Variants in FBLN2 observed in about 807,000 individuals in gnomAD.
The protein encoded by FBLN2 is fibulin-2.
In FBLN2, 81 loss-of-function variants were observed where a neutral mutation model predicts 123.7. The ratio of observed to expected loss-of-function variants is 0.65; its 90% CI spans 0.55 to 0.79. The LOEUF (loss-of-function observed/expected upper bound fraction) is 0.79. FBLN2 is among the 30% of genes least tolerant of loss of function. The pLI, the probability that FBLN2 is intolerant of heterozygous loss-of-function variation, is 0.00. For synonymous variants in FBLN2, 699 were observed against 701.4 expected, an observed-to-expected ratio of 1.00 and a Z score of 0.05; for missense variants, 1,603 against 1,681.3, an observed-to-expected ratio of 0.95 and a Z score of 0.81.
At chr3:13,578,175 T>G (rs1316887367) in intron 2 of FBLN2, among the ~76,000 whole-genome samples, 5 of 152,252 alleles carry the variant, frequency 3.3e-5, no homozygotes, top group Non-Finnish European at 5.9e-5. Context: ...TCTGTTAGTT[T>G]ATGCAAATAA....
rs1241354775 is a variant in FBLN2, at chr3:13,638,193, A to C, written c.*274A>C. The C allele has an allele frequency of 1.6e-6, 1 of 628,372 alleles. No individual in the cohort carries two copies. Among genetic ancestry groups the C allele is most frequent in the Admixed American group, 2.6e-5 (1 of 38,116 alleles). The allele number at this position is 628,372 out of a possible 1,614,324, so 38.9% of individuals were successfully genotyped here. On this transcript the variant is annotated 3_prime_UTR_variant, in exon 18 of 18. Transcript: ENST00000404922. Reference sequence around the variant, plus strand: ...GGTGAGGCTGGGTGATGACCTGAGGACCAGAGACACGCGACCATGTTGGGG... The same window carrying C: ...GGTGAGGCTGGGTGATGACCTGAGGCCCAGAGACACGCGACCATGTTGGGG...
chr3:13,550,663 T>G (rs933610838), intron 1 of FBLN2, among the ~76,000 whole-genome samples: 3 of 152,078 alleles, frequency 2.0e-5, no homozygotes, highest in African/African-American at 7.2e-5. Context: ...GGGCCTTAAC[T>G]TCCCCATATG....
At chr3:13,550,396 C>G (rs949491309) in intron 1 of FBLN2, among the ~76,000 whole-genome samples, 1 of 152,230 alleles carries the variant, frequency 6.6e-6, no homozygotes, top group African/African-American at 2.4e-5. Context: ...AAGGAGTTGC[C>G]CATATCAGCT....
Position 13,560,406 on chromosome 3 carries a change from C to T in FBLN2, c.-41-9909C>T, listed in dbSNP as rs73146697. Among the ~76,000 whole-genome samples, 730 of 152,284 alleles carry T rather than the reference C, an allele frequency of 4.8e-3. 6 individuals carry two copies. Among genetic ancestry groups the T allele is most frequent in the African/African-American group, 0.016 (655 of 41,558 alleles). ...CACCTGGTACCCTAAGCCCCACCTG[C>T]GGCCTACAGCTTGGTCTGTACTTCA... On this transcript the variant is annotated intron_variant, in intron 1 of 17. Transcript: ENST00000404922.
chr3:13,566,818 A>G (rs1026434079), intron 1 of FBLN2, among the ~76,000 whole-genome samples: 1 of 152,190 alleles, frequency 6.6e-6, no homozygotes, highest in Non-Finnish European at 1.5e-5. Context: ...GCATGCTGGT[A>G]ACCAATTTAA....
chr3:13,626,298 C>G, intron 9 of FBLN2, 147 bp from the exon 10 acceptor site: 1 of 747,330 alleles, frequency 1.3e-6, no homozygotes, highest in South Asian at 2.7e-5. Context: ...GTTTGGGTGC[C>G]GAGACATCAG....
intron 13 of FBLN2, 121 bp from the exon 14 acceptor site, chr3:13,629,699 T>C (rs1007145858): frequency 3.0e-6 from 4 of 1,352,828 alleles, no homozygotes; most frequent in African/African-American, 3.0e-5. Flanking sequence ...GGCCTCTCCC[T>C]GTCTTTCCTT....
chr3:13,607,516 T>A (rs1350232224), intron 2 of FBLN2, among the ~76,000 whole-genome samples: 1 of 152,142 alleles, frequency 6.6e-6, no homozygotes, highest in South Asian at 2.1e-4. Flanking sequence ...AGGGGTCAAG[T>A]GTGTATTCAA....
At chr3:13,562,465 T>C (rs1703639078) in intron 1 of FBLN2, among the ~76,000 whole-genome samples, 1 of 151,698 alleles carries the variant, frequency 6.6e-6, no homozygotes. Flanking sequence ...CAAGCAATTC[T>C]CGTGCCTCAG....
chr3:13,571,946 C>T (rs1056733198), intron 2 of FBLN2, among the ~76,000 whole-genome samples: 3 of 152,164 alleles, frequency 2.0e-5, no homozygotes, highest in Non-Finnish European at 4.4e-5. Context: ...CCAGAAGGTG[C>T]ACATCTTCAG....
rs1183714968 is a variant in FBLN2, at chr3:13,622,728, A to G, written c.2296+813A>G. Among the ~76,000 whole-genome samples the G allele has an allele frequency of 4.6e-5, 7 of 152,316 alleles. 1 individual carries two copies. Among genetic ancestry groups the G allele is most frequent in the African/African-American group, 1.7e-4 (7 of 41,570 alleles). ...GGCTCTGGGAGTGCTCTGTGCGTAC[A>G]TGTCTGCAGCCTCTGATGTTTTCAG... On this transcript the variant is annotated intron_variant, in intron 9 of 17. Transcript: ENST00000404922.
chr3:13,565,719 C>T (rs1703728106), intron 1 of FBLN2, among the ~76,000 whole-genome samples: 1 of 152,226 alleles, frequency 6.6e-6, no homozygotes, highest in Non-Finnish European at 1.5e-5. Context: ...CCAGCCTGGA[C>T]AGTGACTGGC....
In FBLN2 at chr3:13,619,848, G is replaced by A. The variant is rs369198219; in HGVS notation, c.2155+17G>A. 6.9e-6 allele frequency: 11 copies of A among 1,602,416 alleles called. No homozygotes were observed. The highest frequency in any genetic ancestry group is 8.5e-6 in the Non-Finnish European group (10 of 1,174,214). On this transcript the variant is annotated intron_variant, in intron 8 of 17. Transcript: ENST00000404922. Reference sequence around the variant, plus strand: ...CCTGTGAAGGTGAGTGCCTTGGGGTGCCCTCCTACCTGTGCAAACCTGAGT... The same window carrying A: ...CCTGTGAAGGTGAGTGCCTTGGGGTACCCTCCTACCTGTGCAAACCTGAGT...
intron 2 of FBLN2, among the ~76,000 whole-genome samples, chr3:13,586,315 G>A (rs1704496814): frequency 1.3e-5 from 2 of 151,830 alleles, no homozygotes; most frequent in South Asian, 4.2e-4. Context: ...CTCCTGAGTA[G>A]CTGGGATTAC....
chr3:13,551,997 A>G (rs1031893239), intron 1 of FBLN2, among the ~76,000 whole-genome samples: 1 of 152,076 alleles, frequency 6.6e-6, no homozygotes, highest in African/African-American at 2.4e-5. Flanking sequence ...GACGCACACC[A>G]GCCAGCTAAT....
chr3:13,635,261 A>C (rs1346151995), intron 16 of FBLN2, among the ~76,000 whole-genome samples: 2 of 151,836 alleles, frequency 1.3e-5, no homozygotes, highest in African/African-American at 4.8e-5. Flanking sequence ...CCCCTACCCC[A>C]CGGGACTTTC....
intron 2 of FBLN2, among the ~76,000 whole-genome samples, chr3:13,581,216 G>C (rs1206319682): frequency 6.6e-6 from 1 of 151,158 alleles, no homozygotes; most frequent in Non-Finnish European, 1.5e-5. Flanking sequence ...GGCGGCAGGT[G>C]GGGGGTGGGG....
At chr3:13,600,046 C>CGAGA (rs1252358257) in intron 2 of FBLN2, among the ~76,000 whole-genome samples, 4 of 128,150 alleles carry the variant, frequency 3.1e-5, no homozygotes, top group Non-Finnish European at 3.3e-5. Context: ...AGAGAGAGAG[C>CGAGA]GAGAGAGAGA....
chr3:13,617,615 CCAT>C (rs1705671715), intron 5 of FBLN2, among the ~76,000 whole-genome samples: 2 of 148,176 alleles, frequency 1.3e-5, no homozygotes, highest in Non-Finnish European at 3.0e-5. Flanking sequence ...ATCCATCCAT[CCAT>C]CCACCCATCC....
Sources: allele counts gnomAD v4.1 joint callset (sites outside exome capture counted in the v4.1 genomes callset), GRCh38; gene constraint gnomAD v4.1.1; transcripts MANE v1.5; gene names NCBI Gene and HGNC (gene_info 2026-07-23, HGNC 2026-07-21).